Variants in SMAD3 observed in about 807,000 individuals in gnomAD.
The protein encoded by SMAD3 is SMAD family member 3, also known as MAD homolog 3.
SMAD3 carries 12 observed loss-of-function variants against 51.8 expected under a neutral mutation model. The ratio of observed to expected loss-of-function variants is 0.23; its 90% CI spans 0.15 to 0.38. The LOEUF (loss-of-function observed/expected upper bound fraction) is 0.38, where lower values mean the gene tolerates loss of function less well. SMAD3 is among the 10% of genes least tolerant of loss of function. SMAD3 has a pLI of 1.00. For synonymous variants in SMAD3, 238 were observed against 227.7 expected (o/e 1.05, Z -0.41); for missense variants, 294 against 565.6 (o/e 0.52, Z 4.87).
chr15:67,158,511 G>A (rs932497756), intron 1 of SMAD3, among the ~76,000 whole-genome samples: 8 of 152,262 alleles, frequency 5.3e-5, no homozygotes, highest in African/African-American at 1.4e-4. Flanking sequence ...ACTGGCGGTC[G>A]TGTGCTCACA....
rs181709226 is a variant in SMAD3 at position 67,138,887 on chromosome 15, T to C, written c.207-26008T>C. ...GGGAAGATATGAAATATAATTTCTT[T>C]GAATGTGCTTTCTCTTTACTCTTTT... On this transcript the variant is annotated intron_variant, in intron 1 of 8. Coordinates refer to ENST00000327367, the MANE Select transcript of SMAD3 (RefSeq NM_005902.4). Among the ~76,000 whole-genome samples, 14 of 152,370 alleles carry C rather than the reference T, an allele frequency of 9.2e-5. No homozygotes were observed. The South Asian group carries it at 1.5e-3, about 16-fold the overall frequency.
chr15:67,190,027 C>T (rs913225214), intron 8 of SMAD3, among the ~76,000 whole-genome samples: 14 of 151,914 alleles, frequency 9.2e-5, no homozygotes, highest in Admixed American at 7.9e-4. Flanking sequence ...GGCACGTGCC[C>T]GTTTGGTACA....
intron 1 of SMAD3, among the ~76,000 whole-genome samples, chr15:67,080,745 T>C (rs745377004): frequency 8.5e-5 from 13 of 152,226 alleles, no homozygotes; most frequent in African/African-American, 1.2e-4. Flanking sequence ...GTGCATGGAA[T>C]GTGCCAGGGC....
At chr15:67,094,902 T>G (rs1452221173) in intron 1 of SMAD3, among the ~76,000 whole-genome samples, 1 of 152,214 alleles carries the variant, frequency 6.6e-6, no homozygotes. Flanking sequence ...TGAGGGGGTC[T>G]CCGTGGATGT....
chr15:67,138,090 T>C (rs1251468212), intron 1 of SMAD3: 1 of 1,551,546 alleles, frequency 6.4e-7, no homozygotes, highest in East Asian at 2.4e-5. Context: ...GAAAGCATGG[T>C]GGATGGGGAG....
intron 1 of SMAD3, among the ~76,000 whole-genome samples, chr15:67,130,580 C>T (rs932839471): frequency 3.9e-5 from 6 of 152,180 alleles, no homozygotes; most frequent in African/African-American, 1.4e-4. Flanking sequence ...CAGTTTCGTC[C>T]TGAAACATCC....
chr15:67,172,156 T>A (rs1295780432), intron 5 of SMAD3, among the ~76,000 whole-genome samples: 1 of 152,154 alleles, frequency 6.6e-6, no homozygotes, highest in Non-Finnish European at 1.5e-5. Context: ...GATGGGATGT[T>A]TCTTGAGCTC....
chr15:67,186,713 T>C (rs7173811), intron 7 of SMAD3: 83,617 of 185,730 alleles, frequency 0.45, 19,654 homozygotes, highest in Non-Finnish European at 0.51. Context: ...CACTTAGCTG[T>C]GAATGTCACC....
At chr15:67,166,944 C>T in intron 4 of SMAD3, 91 bp downstream of exon 4, 1 of 988,928 alleles carries the variant, frequency 1.0e-6, no homozygotes, top group Non-Finnish European at 1.6e-6. Flanking sequence ...CCTCTCCCTC[C>T]CTCCCTTCTA....
chr15:67,168,910 C>T (rs1234264316), intron 4 of SMAD3, among the ~76,000 whole-genome samples: 2 of 152,102 alleles, frequency 1.3e-5, no homozygotes, highest in Non-Finnish European at 1.5e-5. Flanking sequence ...GGTAGTGTCT[C>T]GGGCCAGAGG....
intron 4 of SMAD3, among the ~76,000 whole-genome samples, chr15:67,169,481 G>C (rs1481837945): frequency 6.6e-6 from 1 of 152,090 alleles, no homozygotes; most frequent in Non-Finnish European, 1.5e-5. Context: ...TTAACAAATA[G>C]TCTCCTTTTT....
At position 67,066,138 on chromosome 15, in the gene SMAD3, G is replaced by T. The variant is rs781095541; in HGVS notation, c.-17G>T. 6 of 1,565,838 alleles carry T rather than the reference G, an allele frequency of 3.8e-6. No homozygotes were observed. Among genetic ancestry groups the T allele is most frequent in the Admixed American group, 1.9e-5 (1 of 53,458 alleles). ...CCGCCGGGGGCGCTCCTCGCCGCCC[G>T]CGCGCCCTCCCCAGCCATGTCGTCC... is the stretch of plus-strand genomic sequence containing the variant. On this transcript the variant is annotated 5_prime_UTR_variant, in exon 1 of 9. Coordinates refer to ENST00000327367, the MANE Select transcript of SMAD3 (RefSeq NM_005902.4).
chr15:67,177,422 G>GTTTTTTT (rs68095915), intron 5 of SMAD3, among the ~76,000 whole-genome samples: 3 of 93,874 alleles, frequency 3.2e-5, no homozygotes, highest in East Asian at 3.3e-4. Context: ...AGTGTTTTGG[G>GTTTTTTT]TTTTTTTTTT....
intron 1 of SMAD3, among the ~76,000 whole-genome samples, chr15:67,136,328 C>T (rs1258414564): frequency 7.3e-6 from 1 of 137,120 alleles, no homozygotes; most frequent in Non-Finnish European, 1.6e-5. Flanking sequence ...GTCAGTCATT[C>T]TTTTTTTTTT....
chr15:67,123,143 C>G (rs1208264459), intron 1 of SMAD3, among the ~76,000 whole-genome samples: 3 of 140,656 alleles, frequency 2.1e-5, no homozygotes, highest in Admixed American at 1.5e-4. Flanking sequence ...CTGCAGTGAA[C>G]TCGCCACTGT....
At chr15:67,177,175 G>A (rs1962922258) in intron 5 of SMAD3, among the ~76,000 whole-genome samples, 4 of 152,138 alleles carry the variant, frequency 2.6e-5, no homozygotes, top group Admixed American at 2.0e-4. Flanking sequence ...GACAAACTTT[G>A]TTTTCCCTGA....
intron 4 of SMAD3, among the ~76,000 whole-genome samples, chr15:67,167,699 C>T (rs1181337562): frequency 6.6e-6 from 1 of 152,208 alleles, no homozygotes; most frequent in Non-Finnish European, 1.5e-5. Context: ...TTCTCTCCTG[C>T]TACATCTCCA....
rs1960962370 is a variant in SMAD3, at chr15:67,109,827, C to CAG, written c.206+43468_206+43469dup. On this transcript the variant is annotated intron_variant, in intron 1 of 8. Coordinates refer to ENST00000327367, the MANE Select transcript of SMAD3 (RefSeq NM_005902.4). ...TGATGTCAGTGGGCCATGGGCCCCA[C>CAG]AGGAAGCAGGGGCTGCCATCAGCCT... Among the ~76,000 whole-genome samples, 3 of 152,196 alleles carry CAG rather than the reference C, an allele frequency of 2.0e-5. No homozygotes were observed. In the South Asian group the frequency reaches 6.2e-4, roughly 31 times the overall value.
intron 1 of SMAD3, among the ~76,000 whole-genome samples, chr15:67,120,376 A>C (rs950073422): frequency 6.6e-6 from 1 of 152,174 alleles, no homozygotes; most frequent in Non-Finnish European, 1.5e-5. Flanking sequence ...TACACATGCC[A>C]TGCTGTTTCT....
Sources: gnomAD v4.1 joint callset for allele counts (sites outside exome capture counted in the v4.1 genomes callset) on GRCh38, gnomAD v4.1.1 for gene constraint, MANE v1.5 for transcripts, NCBI Gene and HGNC (gene_info 2026-07-23, HGNC 2026-07-21) for gene names.